ARHGAP26: variants seen among roughly 807,000 people sequenced by gnomAD.
ARHGAP26 encodes the protein rho GTPase-activating protein 26.
A neutral mutation model predicts 104.8 loss-of-function variants in ARHGAP26; 38 were observed. The ratio of observed to expected loss-of-function variants is 0.36; its 90% CI spans 0.28 to 0.48. The LOEUF (loss-of-function observed/expected upper bound fraction) is 0.48. Among genes scored for constraint, ARHGAP26 ranks in the 20% least tolerant of loss-of-function variants. The pLI is 0.99. For synonymous variants in ARHGAP26, 341 were observed against 340.0 expected, an observed-to-expected ratio of 1.00 and a Z score of -0.03; for missense variants, 704 against 947.9, an observed-to-expected ratio of 0.74 and a Z score of 3.38.
At chr5:142,867,865 T>G (rs1754599314) in intron 1 of ARHGAP26, 11 of 152,162 alleles carry the variant, frequency 7.2e-5, no homozygotes, top group Admixed American at 7.2e-4. Context: ...ACCTGCTTTT[T>G]TTTTCACATG....
chr5:142,888,038 C>T (rs1222769335), intron 5 of ARHGAP26, among the ~76,000 whole-genome samples: 1 of 152,102 alleles, frequency 6.6e-6, no homozygotes, highest in Non-Finnish European at 1.5e-5. Flanking sequence ...CTGCCACTAA[C>T]CACATCAATA....
In ARHGAP26 at chr5:142,879,357, C is replaced by T; in HGVS notation, c.313-17C>T. ...GCTTTTGTGTCTTCTTTCCCTTACT[C>T]TGTTGTTCTTCACCAGATTGAGAAT... is the stretch of plus-strand genomic sequence containing the variant. On this transcript the variant is annotated splice_polypyrimidine_tract_variant and intron_variant, in intron 3 of 22. Transcript: ENST00000645722. 6.2e-7 allele frequency: 1 copy of T among 1,612,348 alleles called. No homozygotes were observed. Among genetic ancestry groups the T allele is most frequent in the Non-Finnish European group, 8.5e-7 (1 of 1,178,376 alleles).
chr5:143,091,203 T>C (rs1791385854), intron 17 of ARHGAP26, among the ~76,000 whole-genome samples: 1 of 152,200 alleles, frequency 6.6e-6, no homozygotes, highest in African/African-American at 2.4e-5. Context: ...GTCCATCCGC[T>C]TTCCGCTGTA....
rs547868193 is a variant in ARHGAP26 at position 142,954,212 on chromosome 5, T to C, written c.1107+22087T>C. 3.9e-5 allele frequency among the ~76,000 whole-genome samples: 6 copies of C among 152,342 alleles called. No individual in the cohort carries two copies. The East Asian group carries it at 1.2e-3, about 29-fold the overall frequency. ...TCATTCTTTCCATGAAATATAAGAA[T>C]GTTAGGCCCCATATATGGGATTTTC... On this transcript the variant is annotated intron_variant, in intron 11 of 22. Transcript: ENST00000645722.
chr5:143,066,448 GATTAA>G (rs757968441), intron 17 of ARHGAP26, among the ~76,000 whole-genome samples: 1 of 152,180 alleles, frequency 6.6e-6, no homozygotes, highest in Non-Finnish European at 1.5e-5. Flanking sequence ...GAGTTGTGCA[GATTAA>G]ATTAATCTAC....
chr5:143,012,548 CAT>C (rs1414408846), intron 11 of ARHGAP26, among the ~76,000 whole-genome samples: 1 of 23,346 alleles, frequency 4.3e-5, no homozygotes, highest in African/African-American at 1.2e-4. Flanking sequence ...TATATACATA[CAT>C]ACATATATAT....
At chr5:143,102,286 T>C (rs1793362615) in intron 17 of ARHGAP26, among the ~76,000 whole-genome samples, 1 of 152,120 alleles carries the variant, frequency 6.6e-6, no homozygotes, top group African/African-American at 2.4e-5. Flanking sequence ...TAAACTTCAG[T>C]CTGTTCCACT....
At chr5:143,121,253 A>T in intron 18 of ARHGAP26, 106 bp downstream of exon 18, 2 of 1,170,430 alleles carry the variant, frequency 1.7e-6, no homozygotes, top group Non-Finnish European at 2.4e-6. Flanking sequence ...TCACTCTTAC[A>T]CTGTCATGAC....
At chr5:142,805,656 A>C (rs913544945) in intron 1 of ARHGAP26, among the ~76,000 whole-genome samples, 1 of 152,212 alleles carries the variant, frequency 6.6e-6, no homozygotes, top group Non-Finnish European at 1.5e-5. Context: ...GGTTTGGAAT[A>C]GCTAATGAGG....
intron 10 of ARHGAP26, among the ~76,000 whole-genome samples, chr5:142,914,126 C>T (rs1762185748): frequency 1.3e-5 from 2 of 152,192 alleles, no homozygotes; most frequent in African/African-American, 4.8e-5. Context: ...CTCACCCCTC[C>T]CTGGGAAGTT....
At chr5:143,085,896 C>A (rs1380134911) in intron 17 of ARHGAP26, among the ~76,000 whole-genome samples, 2 of 152,168 alleles carry the variant, frequency 1.3e-5, no homozygotes, top group Non-Finnish European at 2.9e-5. Context: ...AAAATGGTTT[C>A]TTATAATATT....
chr5:143,162,727 T>A (rs574133779), intron 20 of ARHGAP26, among the ~76,000 whole-genome samples: 79 of 152,370 alleles, frequency 5.2e-4, no homozygotes, highest in African/African-American at 1.8e-3. Flanking sequence ...TATTTGCTAC[T>A]GTAGCCTAAC....
chr5:143,209,248 G>A (rs758636415), intron 21 of ARHGAP26, among the ~76,000 whole-genome samples: 41 of 152,130 alleles, frequency 2.7e-4, no homozygotes, highest in Non-Finnish European at 5.4e-4. Flanking sequence ...CCTGTTTCTT[G>A]TCAAGTATCT....
intron 11 of ARHGAP26, among the ~76,000 whole-genome samples, chr5:142,941,398 A>G (rs1035745090): frequency 1.7e-4 from 26 of 152,300 alleles, no homozygotes; most frequent in Middle Eastern, 3.4e-3. Context: ...ATCACATACT[A>G]TGAATGGGTG....
intron 17 of ARHGAP26, among the ~76,000 whole-genome samples, chr5:143,088,987 G>A (rs901094912): frequency 2.6e-5 from 4 of 152,148 alleles, no homozygotes; most frequent in Non-Finnish European, 5.9e-5. Flanking sequence ...GTAGGTAATC[G>A]GAATGAGTCA....
intron 4 of ARHGAP26, among the ~76,000 whole-genome samples, chr5:142,883,653 CACTTGATGG>C (rs1230297834): frequency 2.0e-5 from 3 of 152,222 alleles, no homozygotes; most frequent in African/African-American, 4.8e-5. Context: ...AGGGCATTTG[CACTTGATGG>C]TTCTGCTCTA....
At chr5:143,119,236 C>T (rs918158653) in intron 17 of ARHGAP26, among the ~76,000 whole-genome samples, 2 of 152,242 alleles carry the variant, frequency 1.3e-5, no homozygotes, top group Admixed American at 1.3e-4. Flanking sequence ...ATCATCCAAA[C>T]CGTGTATTTT....
chr5:143,181,434 C>T (rs114825108), intron 20 of ARHGAP26, among the ~76,000 whole-genome samples: 475 of 152,310 alleles, frequency 3.1e-3, no homozygotes, highest in African/African-American at 0.011. Flanking sequence ...CCTGCTTCCC[C>T]CTCCTTACAC....
At chr5:143,200,285 C>T (rs752891631) in intron 20 of ARHGAP26, among the ~76,000 whole-genome samples, 16 of 152,170 alleles carry the variant, frequency 1.1e-4, no homozygotes, top group Non-Finnish European at 2.2e-4. Flanking sequence ...ATATCAACAC[C>T]TTTAAAAGAA....
Sources: gnomAD v4.1 joint callset for allele counts (sites outside exome capture counted in the v4.1 genomes callset) on GRCh38, gnomAD v4.1.1 for gene constraint, MANE v1.5 for transcripts, NCBI Gene and HGNC (gene_info 2026-07-23, HGNC 2026-07-21) for gene names.